Variants in PHACTR2 observed in about 807,000 individuals in gnomAD.
PHACTR2 encodes the protein chromosome 6 open reading frame 56.
PHACTR2 carries 30 observed loss-of-function variants against 76.0 expected under a neutral mutation model. The observed-to-expected ratio is 0.39, with a 90% confidence interval of 0.30 to 0.54. PHACTR2 has a LOEUF of 0.54. PHACTR2 is among the 20% of genes least tolerant of loss of function. The pLI, the probability that PHACTR2 is intolerant of heterozygous loss-of-function variation, is 0.61. For synonymous variants in PHACTR2, 292 were observed against 292.5 expected (o/e 1.00, Z 0.02); for missense variants, 696 against 781.1 (o/e 0.89, Z 1.30).
intron 1 of PHACTR2, among the ~76,000 whole-genome samples, chr6:143,563,389 C>G (rs1009215607): frequency 1.2e-5 from 1 of 83,848 alleles, no homozygotes; most frequent in Non-Finnish European, 2.9e-5. Context: ...ATGGTGAAAC[C>G]GCATCTCTAC....
rs1043149613 is a variant in PHACTR2, at chr6:143,742,271, C to T, written c.215-6714C>T. Among the ~76,000 whole-genome samples the T allele has an allele frequency of 6.6e-6, 1 of 152,166 alleles. No individual in the cohort carries two copies. The highest frequency in any genetic ancestry group is 1.5e-5 in the Non-Finnish European group (1 of 68,036). On this transcript the variant is annotated intron_variant, in intron 2 of 12. Transcript: ENST00000440869. This position sits in a 1 kb window ranked among gnomAD's most constrained non-coding sequence, Gnocchi z 4.5. Reference sequence around the variant, plus strand: ...AGGCGTGGTTGGATCCAGGTGCTTACAAGCTATCTCATTAAGAACCTGTCT... The same window carrying T: ...AGGCGTGGTTGGATCCAGGTGCTTATAAGCTATCTCATTAAGAACCTGTCT...
At chr6:143,542,803 A>T (rs1475087641) in intron 1 of PHACTR2, among the ~76,000 whole-genome samples, 5 of 152,202 alleles carry the variant, frequency 3.3e-5, no homozygotes, top group Admixed American at 3.3e-4. Flanking sequence ...CAAGACAGAG[A>T]TCATATGCCC....
At chr6:143,725,442 C>T (rs1373158566) in intron 2 of PHACTR2, among the ~76,000 whole-genome samples, 25 of 150,060 alleles carry the variant, frequency 1.7e-4, no homozygotes, top group East Asian at 1.4e-3. Flanking sequence ...CCTCGTGATC[C>T]GCCCACTTCA....
At chr6:143,670,364 A>G (rs1303646268) in intron 1 of PHACTR2, among the ~76,000 whole-genome samples, 2 of 151,952 alleles carry the variant, frequency 1.3e-5, no homozygotes. Flanking sequence ...TGTTCTCTGT[A>G]TTTCCCGAAT....
intron 1 of PHACTR2, among the ~76,000 whole-genome samples, chr6:143,564,729 G>A (rs977287619): frequency 6.6e-6 from 1 of 152,184 alleles, no homozygotes; most frequent in East Asian, 1.9e-4. Context: ...GGCAGTTCTC[G>A]GAAGGCCTGC....
chr6:143,677,350 T>G (rs1777268448), upstream of PHACTR2, among the ~76,000 whole-genome samples: 1 of 152,204 alleles, frequency 6.6e-6, no homozygotes, highest in South Asian at 2.1e-4. Flanking sequence ...AGGGTTTAAT[T>G]CACCTTTCAA....
At chr6:143,740,508 T>TAAAAAAAAAAAAAAAAAAAAAAAGAAA (rs10638908) in intron 2 of PHACTR2, among the ~76,000 whole-genome samples, 1 of 128,688 alleles carries the variant, frequency 7.8e-6, no homozygotes, top group Non-Finnish European at 1.6e-5. Flanking sequence ...TCCTTTTAAT[T>TAAAAAAAAAAAAAAAAAAAAAAAGAAA]AAAAAAAAAA....
chr6:143,664,868 G>T lies in PHACTR2; in HGVS notation c.14-47148G>T, dbSNP rs896946946. The stretch of plus-strand genomic sequence containing the variant: ...GGCTGGAGTGCAGTGGTGCAATCTC[G>T]GTTCACTGCAACCTCTGCCTCCCTG... On this transcript the variant is annotated intron_variant, in intron 1 of 11. Coordinates refer to the PHACTR2 transcript ENST00000305766. The surrounding 1 kb of genome is among the most constrained non-coding windows in gnomAD (Gnocchi z 5.1). Among the ~76,000 whole-genome samples, 2 of 151,810 alleles carry T rather than the reference G, an allele frequency of 1.3e-5. No individual in the cohort carries two copies. The highest frequency in any genetic ancestry group is 2.4e-5 in the African/African-American group (1 of 41,272).
At position 143,663,743 on chromosome 6, in the gene PHACTR2, A is replaced by G. The variant is rs895180231; in HGVS notation, c.14-48273A>G. Among the ~76,000 whole-genome samples the G allele has an allele frequency of 4.6e-5, 7 of 152,108 alleles. No individual in the cohort carries two copies. The East Asian group carries it at 1.4e-3, about 29-fold the overall frequency. ...GGGAGGGGTTTTTATTTCTGTTTTT[A>G]ACTAGGTTTTCTTGTTGATTTTTAA... On this transcript the variant is annotated intron_variant, in intron 1 of 11. Transcript: ENST00000305766. The surrounding 1 kb of genome is among the most constrained non-coding windows in gnomAD (Gnocchi z 4.1).
At chr6:143,638,042 A>T (rs563881277) in intron 1 of PHACTR2, among the ~76,000 whole-genome samples, 1 of 152,356 alleles carries the variant, frequency 6.6e-6, no homozygotes, top group Admixed American at 6.5e-5. Context: ...CAAAAGCAAT[A>T]GCATTTCTGG....
Position 143,683,312 on chromosome 6 carries a change from T to G in PHACTR2, c.46+5103T>G, listed in dbSNP as rs1449345436. Among the ~76,000 whole-genome samples, 1 of 152,240 alleles carries G rather than the reference T, an allele frequency of 6.6e-6. No individual in the cohort carries two copies. The highest frequency in any genetic ancestry group is 1.5e-5 in the Non-Finnish European group (1 of 68,036). ...GTCTCAATAAGCAGCCTGACTGCTT[T>G]AAACCAATGATTATATGAATGAGAG... On this transcript the variant is annotated intron_variant, in intron 1 of 12. Transcript: ENST00000440869. This position sits in a 1 kb window ranked among gnomAD's most constrained non-coding sequence, Gnocchi z 4.1.
chr6:143,642,220 G>A (rs1045766609), intron 1 of PHACTR2, among the ~76,000 whole-genome samples: 1 of 152,136 alleles, frequency 6.6e-6, no homozygotes, highest in East Asian at 1.9e-4. Context: ...TCTTGGTCTT[G>A]GAATGTCCTA....
rs377105379 is a variant in PHACTR2, at chr6:143,785,929, G to C, written c.1707+2649G>C. Among the ~76,000 whole-genome samples, 116 of 152,324 alleles carry C rather than the reference G, an allele frequency of 7.6e-4. 1 individual carries two copies. Among genetic ancestry groups the C allele is most frequent in the East Asian group, 5.6e-3 (29 of 5,170 alleles). Reference sequence around the variant, plus strand: ...CCACTTTTTCCTCCTGGGCCTTCAGGCCTGTGATGGGAGGAGCTGTCATGA... The same window carrying C: ...CCACTTTTTCCTCCTGGGCCTTCAGCCCTGTGATGGGAGGAGCTGTCATGA... On this transcript the variant is annotated intron_variant, in intron 10 of 12. Coordinates refer to ENST00000440869, the MANE Select transcript of PHACTR2 (RefSeq NM_001100164.2).
Position 143,671,576 on chromosome 6 carries a change from T to A in PHACTR2, c.14-40440T>A, listed in dbSNP as rs1360577194. 3.9e-5 allele frequency among the ~76,000 whole-genome samples: 6 copies of A among 152,366 alleles called. No individual in the cohort carries two copies. The East Asian group carries it at 1.2e-3, about 29-fold the overall frequency. On this transcript the variant is annotated intron_variant, in intron 1 of 11. Transcript: ENST00000305766. This position sits in a 1 kb window ranked among gnomAD's most constrained non-coding sequence, Gnocchi z 4.6. ...TATAAAGTTTACTGATTTATTATGT[T>A]TACTGCTTATTTTCTGTCATTCCAT...
Position 143,761,359 on chromosome 6 carries a change from A to T in PHACTR2, c.694+719A>T, listed in dbSNP as rs1779436453. 6.6e-6 allele frequency among the ~76,000 whole-genome samples: 1 copy of T among 152,236 alleles called. No individual in the cohort carries two copies. The highest frequency in any genetic ancestry group is 1.5e-5 in the Non-Finnish European group (1 of 68,036). On this transcript the variant is annotated intron_variant, in intron 5 of 12. Coordinates refer to ENST00000440869, the MANE Select transcript of PHACTR2 (RefSeq NM_001100164.2). The surrounding 1 kb of genome is among the most constrained non-coding windows in gnomAD (Gnocchi z 5.2). ...GCAATAACTCATGCAATATGTATCC[A>T]GCTTTGCTTTACAATCAGATATGCT...
rs1470210045 is a variant in PHACTR2, at chr6:143,611,427, G to A, written c.13+3105G>A. Reference sequence around the variant, plus strand: ...AGTTATTTGGAGCCAGACTGAGGAAGGGTTTGGAGTGGAGTAGTCGAGAGC... The same window carrying A: ...AGTTATTTGGAGCCAGACTGAGGAAAGGTTTGGAGTGGAGTAGTCGAGAGC... On this transcript the variant is annotated intron_variant, in intron 1 of 11. Coordinates refer to the PHACTR2 transcript ENST00000305766. The surrounding 1 kb of genome is among the most constrained non-coding windows in gnomAD (Gnocchi z 4.4). Among the ~76,000 whole-genome samples, 2 of 152,298 alleles carry A rather than the reference G, an allele frequency of 1.3e-5. No individual in the cohort carries two copies. The highest frequency in any genetic ancestry group is 2.1e-4 in the South Asian group (1 of 4,824).
At chr6:143,779,505 A>G (rs1562304395) in intron 9 of PHACTR2, among the ~76,000 whole-genome samples, 2 of 152,006 alleles carry the variant, frequency 1.3e-5, no homozygotes, top group African/African-American at 4.8e-5. Context: ...GCGCATCACC[A>G]TGCCTGGCTA....
Position 143,783,195 on chromosome 6 carries a change from C to A in PHACTR2, c.1646-24C>A. Reference sequence around the variant, plus strand: ...AAATCATCTATAGTAACTGTCATCACGACTTTCCTCCTTTAATAAACAGAA... The same window carrying A: ...AAATCATCTATAGTAACTGTCATCAAGACTTTCCTCCTTTAATAAACAGAA... On this transcript the variant is annotated intron_variant, in intron 9 of 12. Transcript: ENST00000440869. This position sits in a 1 kb window ranked among gnomAD's most constrained non-coding sequence, Gnocchi z 5.2. 6.5e-7 allele frequency: 1 copy of A among 1,527,172 alleles called. No individual in the cohort carries two copies. The highest frequency in any genetic ancestry group is 9.1e-7 in the Non-Finnish European group (1 of 1,103,464). The allele number at this position is 1,527,172 out of a possible 1,614,324, so 94.6% of individuals were successfully genotyped here. A position where few individuals can be genotyped will look rare whatever the true frequency, so the allele number is the denominator to read the frequency against.
chr6:143,799,666 G>T (rs1253661183), intron 11 of PHACTR2, among the ~76,000 whole-genome samples: 2 of 152,176 alleles, frequency 1.3e-5, no homozygotes, highest in Non-Finnish European at 2.9e-5. Context: ...TCAGGAGCAG[G>T]TTGTTCAGTT....
Sources: gnomAD v4.1 joint callset for allele counts (sites outside exome capture counted in the v4.1 genomes callset) on GRCh38, gnomAD v4.1.1 for gene constraint, Gnocchi (gnomAD v3.1) non-coding constraint, MANE v1.5 for transcripts, NCBI Gene and HGNC (gene_info 2026-07-23, HGNC 2026-07-21) for gene names.